The following PRKAA2 variants were observed in gnomAD, a reference collection of about 807,000 sequenced individuals.
The protein encoded by PRKAA2 is protein kinase AMP-activated catalytic subunit alpha 2.
Under a neutral mutation model 56.3 loss-of-function variants are expected in PRKAA2, and 40 were observed. The observed-to-expected ratio is 0.71, with a 90% CI of 0.55 to 0.92. The LOEUF (loss-of-function observed/expected upper bound fraction) is 0.92, where lower values mean the gene tolerates loss of function less well. PRKAA2 is among the 40% of genes least tolerant of loss of function. The pLI, the probability that PRKAA2 is intolerant of heterozygous loss-of-function variation, is 0.00. For missense variants in PRKAA2, 542 were observed against 686.9 expected (o/e 0.79, Z 2.36); for synonymous variants, 214 against 234.2 (o/e 0.91, Z 0.79).
At chr1:56,695,666 AT>A (rs1644254576) in intron 5 of PRKAA2, among the ~76,000 whole-genome samples, 1 of 152,128 alleles carries the variant, frequency 6.6e-6, no homozygotes, top group Non-Finnish European at 1.5e-5. Flanking sequence ...CACAGAAAGT[AT>A]TATATGTTTT....
chr1:56,709,070 A>G lies in PRKAA2; in HGVS notation c.*1357A>G, dbSNP rs1005665920. 1 of 152,104 alleles carries G rather than the reference A, an allele frequency of 6.6e-6. No homozygotes were observed. Among genetic ancestry groups the G allele is most frequent in the Admixed American group, 6.6e-5 (1 of 15,252 alleles). 9.4% of individuals were successfully genotyped at this position (152,104 alleles called of 1,614,324 possible). A position where few individuals can be genotyped will look rare whatever the true frequency, so the allele number is the denominator to read the frequency against. ...TTTAATTTTAAATTCTGTGTAATTT[A>G]TCTAATTTGTATTTATTCATTTGTT... On this transcript the variant is annotated 3_prime_UTR_variant, in exon 9 of 9. Coordinates refer to ENST00000371244, the MANE Select transcript of PRKAA2 (RefSeq NM_006252.4).
chr1:56,710,458 C>A lies in PRKAA2; in HGVS notation c.*2745C>A, dbSNP rs951440961. 1.3e-5 allele frequency: 2 copies of A among 152,000 alleles called. No homozygotes were observed. Among genetic ancestry groups the A allele is most frequent in the African/African-American group, 4.8e-5 (2 of 41,404 alleles). The allele number at this position is 152,000 out of a possible 1,614,324, so 9.4% of individuals were successfully genotyped here. A position where few individuals can be genotyped will look rare whatever the true frequency, so the allele number is the denominator to read the frequency against. ...TTGAACTTTGCCCAAATTAATTTTT[C>A]ATTTTAAAAAACTTAATAGCCCATG... On this transcript the variant is annotated 3_prime_UTR_variant, in exon 9 of 9. Transcript: ENST00000371244.
At chr1:56,668,149 A>G (rs1644048589) in intron 1 of PRKAA2, among the ~76,000 whole-genome samples, 1 of 152,064 alleles carries the variant, frequency 6.6e-6, no homozygotes, top group South Asian at 2.1e-4. Flanking sequence ...AAAGTAGCTT[A>G]AAAACAAATT....
chr1:56,696,994 A>G (rs1290563166), intron 6 of PRKAA2, among the ~76,000 whole-genome samples: 1 of 120,328 alleles, frequency 8.3e-6, no homozygotes, highest in Non-Finnish European at 1.8e-5. Context: ...TCCCCTTTTC[A>G]TCATTAGCCA....
At chr1:56,648,202 T>C (rs1646659487) in intron 1 of PRKAA2, among the ~76,000 whole-genome samples, 1 of 152,188 alleles carries the variant, frequency 6.6e-6, no homozygotes, top group Non-Finnish European at 1.5e-5. Flanking sequence ...AGATTCTTTA[T>C]ACCCATTCAC....
At chr1:56,696,376 T>C (rs77738578) in intron 6 of PRKAA2, among the ~76,000 whole-genome samples, 29 of 152,308 alleles carry the variant, frequency 1.9e-4, no homozygotes, top group African/African-American at 6.7e-4. Flanking sequence ...ATGTCTTTTC[T>C]TGTTTCTTTT....
At chr1:56,700,907 A>G (rs532592474) in intron 6 of PRKAA2, among the ~76,000 whole-genome samples, 2 of 152,280 alleles carry the variant, frequency 1.3e-5, no homozygotes, top group South Asian at 4.1e-4. Context: ...GCTGCCCAGG[A>G]GCTGGACAAA....
rs571884545 is a variant in PRKAA2, at chr1:56,687,442, ATAAAAGAGG to A, written c.237-3950_237-3942del. ...ATGCATATGTACATATATAAACTGT[ATAAAAGAGG>A]TGGGGAGGAAAGGATAAACAGGGTG... On this transcript the variant is annotated intron_variant, in intron 2 of 8. Coordinates refer to ENST00000371244, the MANE Select transcript of PRKAA2 (RefSeq NM_006252.4). 2.7e-3 allele frequency among the ~76,000 whole-genome samples: 409 copies of A among 152,262 alleles called. 3 individuals carry two copies. Among genetic ancestry groups the A allele is most frequent in the African/African-American group, 9.2e-3 (381 of 41,552 alleles).
At chr1:56,658,609 T>G (rs1643966509) in intron 1 of PRKAA2, among the ~76,000 whole-genome samples, 1 of 137,562 alleles carries the variant, frequency 7.3e-6, no homozygotes, top group Admixed American at 7.1e-5. Context: ...CCATTTTTTG[T>G]TTGTTTGTTT....
intron 1 of PRKAA2, among the ~76,000 whole-genome samples, chr1:56,665,014 C>G (rs1271246054): frequency 6.6e-6 from 1 of 151,516 alleles, no homozygotes; most frequent in Non-Finnish European, 1.5e-5. Flanking sequence ...ATTGCTTTAT[C>G]TTTTAGGCCC....
chr1:56,695,538 A>G (rs1644253842), intron 5 of PRKAA2, among the ~76,000 whole-genome samples: 1 of 152,196 alleles, frequency 6.6e-6, no homozygotes, highest in South Asian at 2.1e-4. Context: ...TATTATATGT[A>G]TACATTATAT....
chr1:56,673,476 A>G (rs1644091915), intron 1 of PRKAA2, among the ~76,000 whole-genome samples: 1 of 152,164 alleles, frequency 6.6e-6, no homozygotes, highest in Non-Finnish European at 1.5e-5. Context: ...GGTTAGATAG[A>G]TGTTTTGAGG....
At chr1:56,701,649 C>A (rs1644294171) in intron 6 of PRKAA2, among the ~76,000 whole-genome samples, 1 of 152,130 alleles carries the variant, frequency 6.6e-6, no homozygotes, top group Non-Finnish European at 1.5e-5. Context: ...GTAATCCCAG[C>A]ACTTTGGGAG....
At chr1:56,673,691 G>A (rs529155936) in intron 1 of PRKAA2, among the ~76,000 whole-genome samples, 37 of 152,342 alleles carry the variant, frequency 2.4e-4, no homozygotes, top group Admixed American at 4.6e-4. Flanking sequence ...ACAAAGCACT[G>A]TGCGCATATA....
intron 2 of PRKAA2, among the ~76,000 whole-genome samples, chr1:56,689,545 C>T (rs1644213212): frequency 6.6e-6 from 1 of 151,940 alleles, no homozygotes; most frequent in African/African-American, 2.4e-5. Flanking sequence ...TGGTGAAACC[C>T]CCCTCTCTAC....
intron 1 of PRKAA2, among the ~76,000 whole-genome samples, chr1:56,660,975 C>T (rs1266432171): frequency 1.3e-5 from 2 of 152,108 alleles, no homozygotes; most frequent in East Asian, 3.9e-4. Context: ...TTTGTTTCAC[C>T]ACGGGCAGAG....
At chr1:56,687,042 G>T (rs900030291) in intron 2 of PRKAA2, among the ~76,000 whole-genome samples, 1 of 151,896 alleles carries the variant, frequency 6.6e-6, no homozygotes, top group Non-Finnish European at 1.5e-5. Flanking sequence ...GTGCCACCAC[G>T]CCTGGCTAAT....
At chr1:56,687,794 A>G (rs1644201867) in intron 2 of PRKAA2, among the ~76,000 whole-genome samples, 1 of 152,128 alleles carries the variant, frequency 6.6e-6, no homozygotes, top group African/African-American at 2.4e-5. Context: ...GTACTCATGA[A>G]TGTTGATTTT....
At chr1:56,670,426 G>A (rs894868233) in intron 1 of PRKAA2, among the ~76,000 whole-genome samples, 7 of 152,150 alleles carry the variant, frequency 4.6e-5, no homozygotes, top group African/African-American at 1.4e-4. Flanking sequence ...GTGCAAAATG[G>A]TGGCTTTGAT....
Sources: allele counts gnomAD v4.1 joint callset (sites outside exome capture counted in the v4.1 genomes callset), GRCh38; gene constraint gnomAD v4.1.1; transcripts MANE v1.5; gene names NCBI Gene and HGNC (gene_info 2026-07-23, HGNC 2026-07-21).